The following PIGG variants were observed in gnomAD, a reference collection of about 807,000 sequenced individuals.
PIGG encodes phosphatidylinositol glycan anchor biosynthesis class G (EMM blood group).
A neutral mutation model predicts 83.2 loss-of-function variants in PIGG; 70 were observed. That is an observed-to-expected ratio of 0.84 (90% CI 0.69 to 1.03). PIGG has a LOEUF of 1.03. PIGG is among the 50% of genes least tolerant of loss of function. The pLI is 0.00. For synonymous variants in PIGG, 532 were observed against 519.5 expected (o/e 1.02, Z -0.33); for missense variants, 1,257 against 1,233.6 (o/e 1.02, Z -0.28).
chr4:513,447 G>A (rs1722886311), intron 5 of PIGG, among the ~76,000 whole-genome samples: 1 of 152,176 alleles, frequency 6.6e-6, no homozygotes, highest in South Asian at 2.1e-4. Context: ...ACCTCCCTGT[G>A]TGGGCAGTAC....
In PIGG at chr4:523,911, C is replaced by T. The variant is rs765240035; in HGVS notation, c.2067C>T (p.Thr689=). ...GGCCTGACCTCGGCCACTGGCTCAC[C>T]AGGTGAGAGCGTAGGCCCGTGGCCA... The part of the protein sequence containing the change: ...AHRPDLGHWL[T]SSDHKAELSV... The change falls in exon 9 of 13, where the codon ACC becomes ACT. Residue 689 remains threonine, a splice_region_variant and synonymous_variant. Coordinates refer to ENST00000453061, the MANE Select transcript of PIGG (RefSeq NM_001127178.3). The T allele has an allele frequency of 3.3e-6, 5 of 1,515,124 alleles. No individual in the cohort carries two copies. The highest frequency in any genetic ancestry group is 4.5e-6 in the Non-Finnish European group (5 of 1,122,852). 93.9% of individuals were successfully genotyped at this position (1,515,124 alleles called of 1,614,324 possible).
chr4:511,296 TA>T (rs1191304904), intron 5 of PIGG, among the ~76,000 whole-genome samples: 1,427 of 128,274 alleles, frequency 0.011, 6 homozygotes, highest in African/African-American at 0.017. Flanking sequence ...TCCCCATCTT[TA>T]AAAAAAAAAA....
intron 2 of PIGG, among the ~76,000 whole-genome samples, chr4:505,045 T>C (rs533321581): frequency 6.6e-6 from 1 of 152,302 alleles, no homozygotes; most frequent in East Asian, 1.9e-4. Flanking sequence ...GGACTTTGCT[T>C]GTCACGTGGA....
In PIGG at chr4:499,441, G is replaced by A. The variant is rs144675581; in HGVS notation, c.106G>A (p.Ala36Thr). 39 of 1,605,718 alleles carry A rather than the reference G, an allele frequency of 2.4e-5. No homozygotes were observed. The African/African-American group carries it at 3.7e-4, about 15-fold the overall frequency. Reference sequence around the variant, plus strand: ...CTTCCCGGCTCCCGTTCGTTCCTCTGCCAGAGCGGAACACGGAGCGGAGCC... The same window carrying A: ...CTTCCCGGCTCCCGTTCGTTCCTCTACCAGAGCGGAACACGGAGCGGAGCC... ...GFFPAPVRSSARAEHGAEPPA... is the reference protein window; with the variant it reads ...GFFPAPVRSSTRAEHGAEPPA... Residue 36 changes from alanine to threonine, a missense_variant, in exon 1 of 13, where the codon GCC becomes ACC. By Grantham distance (58) the Ala-to-Thr change is moderately conservative. Transcript: ENST00000453061.
At chr4:535,204 CAA>C (rs1400672084) in intron 12 of PIGG, among the ~76,000 whole-genome samples, 3 of 152,304 alleles carry the variant, frequency 2.0e-5, no homozygotes, top group Non-Finnish European at 4.4e-5. Flanking sequence ...CCAGGGCCTG[CAA>C]AGTTATTCGA....
At position 507,598 on chromosome 4, in the gene PIGG, G is replaced by C; in HGVS notation, c.759+5G>C. The C allele has an allele frequency of 1.2e-6, 2 of 1,607,122 alleles. No homozygotes were observed. Among genetic ancestry groups the C allele is most frequent in the Non-Finnish European group, 1.7e-6 (2 of 1,175,906 alleles). ...CACACCTCACTGCAGTCGAAGGTGAGGCTCGCCGTCGCTCACTGTCTGCTG... is the reference window on the plus strand; with the variant it reads ...CACACCTCACTGCAGTCGAAGGTGACGCTCGCCGTCGCTCACTGTCTGCTG... On this transcript the variant is annotated splice_donor_5th_base_variant and intron_variant, in intron 4 of 12. Transcript: ENST00000453061.
Position 511,206 on chromosome 4 carries a change from T to C in PIGG, c.901+2236T>C, listed in dbSNP as rs1721802398. Among the ~76,000 whole-genome samples, 6 of 148,422 alleles carry C rather than the reference T, an allele frequency of 4.0e-5. No homozygotes were observed. The South Asian group carries it at 1.3e-3, about 31-fold the overall frequency. On this transcript the variant is annotated intron_variant, in intron 5 of 12. Transcript: ENST00000453061. ...TACTTGGGAGGCTGAGGCAGGAGAA[T>C]CACTTGAGCCCAGGAGGCGGAGGTT...
chr4:537,062 C>G (rs28684815), intron 12 of PIGG: 27,812 of 152,178 alleles, frequency 0.18, 3,135 homozygotes, highest in African/African-American at 0.32. Flanking sequence ...TGGAGAGTAT[C>G]ATGATATTTT....
chr4:499,378 A>G lies in PIGG; in HGVS notation c.43A>G (p.Ile15Val), dbSNP rs1553874017. 3.7e-6 allele frequency: 6 copies of G among 1,610,204 alleles called. No homozygotes were observed. The highest frequency in any genetic ancestry group is 5.1e-6 in the Non-Finnish European group (6 of 1,179,936). Residue 15 changes from isoleucine to valine, a missense_variant, in exon 1 of 13, where the codon ATC becomes GTC. Transcript: ENST00000453061. ...SGTFATCCVA[I>V]EVLGIAVFLR... ...GACTTTCGCTACCTGTTGCGTAGCG[A>G]TCGAGGTGCTAGGGATCGCGGTCTT...
chr4:511,762 T>G (rs1351502487), intron 5 of PIGG, among the ~76,000 whole-genome samples: 1 of 152,238 alleles, frequency 6.6e-6, no homozygotes, highest in Non-Finnish European at 1.5e-5. Flanking sequence ...AGAACTTCTT[T>G]TAGTATTTCT....
intron 8 of PIGG, chr4:522,205 C>T: frequency 1.7e-6 from 1 of 599,402 alleles, no homozygotes; most frequent in East Asian, 2.8e-5. Flanking sequence ...GCGACTGTTA[C>T]CAAGGTGATT....
chr4:531,898 C>T (rs535240513), intron 11 of PIGG: 3 of 152,524 alleles, frequency 2.0e-5, no homozygotes, highest in Admixed American at 6.5e-5. Flanking sequence ...AGGTGGCCTC[C>T]GGCAGGCTCT....
Position 539,351 on chromosome 4 carries a change from C to T in PIGG, c.2934C>T (p.Thr978=). Residue 978 remains threonine, a synonymous_variant, in exon 13 of 13, where the codon ACC becomes ACT. Coordinates refer to ENST00000453061, the MANE Select transcript of PIGG (RefSeq NM_001127178.3). ...VCVFFTAMDQ[T]RLTQS is the part of the protein sequence containing the mutation. The stretch of plus-strand genomic sequence containing the variant: ...TATTCTTCACGGCAATGGATCAAAC[C>T]AGACTCACACAGTCTTAGACTAAGC... 6.2e-7 allele frequency: 1 copy of T among 1,603,704 alleles called. No individual in the cohort carries two copies. The highest frequency in any genetic ancestry group is 1.1e-5 in the South Asian group (1 of 90,682).
chr4:530,800 T>A, intron 11 of PIGG, 55 bp downstream of exon 11: 2 of 1,237,370 alleles, frequency 1.6e-6, no homozygotes, highest in Non-Finnish European at 2.3e-6. Flanking sequence ...ATATTTATTT[T>A]AAATTTTTCT....
At position 500,523 on chromosome 4, in the gene PIGG, T is replaced by C; in HGVS notation, c.282T>C (p.Thr94=). The C allele has an allele frequency of 3.1e-6, 5 of 1,613,358 alleles. No homozygotes were observed. The highest frequency in any genetic ancestry group is 4.2e-6 in the Non-Finnish European group (5 of 1,179,264). The change falls in exon 2 of 13, where the codon ACT becomes ACC. Residue 94 remains threonine, a synonymous_variant. Coordinates refer to ENST00000453061, the MANE Select transcript of PIGG (RefSeq NM_001127178.3). ...GTGTGAAATTTATGCCCTACACAAC[T>C]TACCTTGTGGAAAAAGGAGCATCTC... is the stretch of plus-strand genomic sequence containing the variant. ...SKGVKFMPYT[T]YLVEKGASHS...
At position 500,488 on chromosome 4, in the gene PIGG, G is replaced by T; in HGVS notation, c.247G>T (p.Gly83Trp). ...IDALRDDFVF[G>W]SKGVKFMPYT... ...TGCCTTGAGAGATGATTTTGTGTTTGGGTCAAAGGGTGTGAAATTTATGCC... is the reference window on the plus strand; with the variant it reads ...TGCCTTGAGAGATGATTTTGTGTTTTGGTCAAAGGGTGTGAAATTTATGCC... Residue 83 changes from glycine to tryptophan, a missense_variant, in exon 2 of 13, where the codon GGG becomes TGG. Gly to Trp is a radical substitution (Grantham distance 184). Transcript: ENST00000453061. 1 of 1,612,890 alleles carries T rather than the reference G, an allele frequency of 6.2e-7. No homozygotes were observed. The highest frequency in any genetic ancestry group is 2.2e-5 in the East Asian group (1 of 44,880).
chr4:534,077 A>G (rs1729766125), intron 12 of PIGG, 96 bp downstream of exon 12: 2 of 1,032,578 alleles, frequency 1.9e-6, no homozygotes, highest in East Asian at 2.5e-5. Flanking sequence ...TCTAAGCTCC[A>G]TGGGTCCAAC....
chr4:508,096 G>C (rs1030197340), intron 4 of PIGG, among the ~76,000 whole-genome samples: 1 of 152,212 alleles, frequency 6.6e-6, no homozygotes, highest in African/African-American at 2.4e-5. Context: ...TGAAACAGTC[G>C]ATAATCCCTC....
intron 9 of PIGG, among the ~76,000 whole-genome samples, chr4:526,794 C>T (rs927043690): frequency 9.2e-5 from 14 of 151,878 alleles, no homozygotes; most frequent in Admixed American, 4.6e-4. Flanking sequence ...GCGATCCTTC[C>T]GCATTGGCAT....
Sources: allele counts gnomAD v4.1 joint callset (sites outside exome capture counted in the v4.1 genomes callset), GRCh38; gene constraint gnomAD v4.1.1; transcripts MANE v1.5; gene names NCBI Gene and HGNC (gene_info 2026-07-23, HGNC 2026-07-21).